USP12: variants seen among roughly 807,000 people sequenced by gnomAD.
The protein encoded by USP12 is ubiquitin carboxyl-terminal hydrolase 12.
In USP12, 19 loss-of-function variants were observed where a neutral mutation model predicts 45.5. That is an observed-to-expected ratio of 0.42 (90% CI 0.29 to 0.61). The LOEUF is 0.61. Among genes scored for constraint, USP12 ranks in the 20% least tolerant of loss-of-function variants. The pLI is 0.22. For missense variants in USP12, 242 were observed against 447.7 expected (o/e 0.54, Z 4.15); for synonymous variants, 149 against 148.8 (o/e 1.00, Z -0.01).
chr13:27,137,102 G>C (rs1268985700), intron 1 of USP12, among the ~76,000 whole-genome samples: 1 of 152,184 alleles, frequency 6.6e-6, no homozygotes, highest in African/African-American at 2.4e-5. Context: ...CATTTGTTCA[G>C]AAAGAGACAC....
chr13:27,099,724 T>C (rs1874776501), intron 3 of USP12, among the ~76,000 whole-genome samples: 1 of 152,174 alleles, frequency 6.6e-6, no homozygotes, highest in Non-Finnish European at 1.5e-5. Context: ...TATTTTCATA[T>C]ATCCAAATCC....
intron 1 of USP12, among the ~76,000 whole-genome samples, chr13:27,159,413 C>A (rs1005187444): frequency 1.3e-5 from 2 of 152,164 alleles, no homozygotes; most frequent in Non-Finnish European, 2.9e-5. Flanking sequence ...TTTCAAACAC[C>A]ATTCCATTTG....
At chr13:27,077,919 TG>T (rs1873568020) in intron 6 of USP12, 1 of 151,302 alleles carries the variant, frequency 6.6e-6, no homozygotes, top group Admixed American at 6.6e-5. Flanking sequence ...AAAAAAAAAG[TG>T]GTCTTAGAAC....
intron 3 of USP12, among the ~76,000 whole-genome samples, chr13:27,102,868 T>A (rs910069527): frequency 6.6e-6 from 1 of 152,176 alleles, no homozygotes; most frequent in Non-Finnish European, 1.5e-5. Context: ...AGGAAATATA[T>A]CTATCATGAT....
intron 1 of USP12, among the ~76,000 whole-genome samples, chr13:27,133,626 C>CAA (rs11365356): frequency 2.0e-3 from 207 of 103,374 alleles, no homozygotes; most frequent in Non-Finnish European, 3.2e-3. Context: ...GACTCTGTCT[C>CAA]AAAAAAAAAA....
At chr13:27,136,508 A>AATAT in intron 1 of USP12, among the ~76,000 whole-genome samples, 1 of 152,160 alleles carries the variant, frequency 6.6e-6, no homozygotes, top group Non-Finnish European at 1.5e-5. Flanking sequence ...CAAATAAACA[A>AATAT]ATACATACAT....
At chr13:27,114,311 A>G (rs1018222610) in intron 2 of USP12, among the ~76,000 whole-genome samples, 5 of 152,248 alleles carry the variant, frequency 3.3e-5, no homozygotes, top group African/African-American at 1.2e-4. Context: ...CTCTACTAAA[A>G]TAAGTACTAA....
intron 3 of USP12, among the ~76,000 whole-genome samples, chr13:27,096,376 T>G (rs1487192143): frequency 6.6e-6 from 1 of 152,234 alleles, no homozygotes; most frequent in Non-Finnish European, 1.5e-5. Context: ...TTATCAAGAA[T>G]TATCTATATA....
chr13:27,084,523 C>A (rs1204051502), intron 6 of USP12, among the ~76,000 whole-genome samples: 1 of 147,386 alleles, frequency 6.8e-6, no homozygotes, highest in Admixed American at 6.8e-5. Flanking sequence ...AAAAAGAGTT[C>A]TATAGTTTTA....
chr13:27,073,180 T>G, intron 7 of USP12, among the ~76,000 whole-genome samples: 1 of 148,574 alleles, frequency 6.7e-6, no homozygotes, highest in Non-Finnish European at 1.5e-5. Flanking sequence ...CATGAGGCAA[T>G]GAGAGTGAGA....
At chr13:27,112,704 G>A (rs1377222619) in intron 2 of USP12, among the ~76,000 whole-genome samples, 1 of 152,148 alleles carries the variant, frequency 6.6e-6, no homozygotes, top group Non-Finnish European at 1.5e-5. Context: ...GAGAGATGAT[G>A]CCATCAACCC....
Position 27,097,984 on chromosome 13 carries a change from CTTT to C in USP12, c.344-2157_344-2155del, listed in dbSNP as rs71083630. On this transcript the variant is annotated intron_variant, in intron 3 of 8. Transcript: ENST00000282344. ...AGCCTGGAGGTAACTTTATATAGTA[CTTT>C]TTTTTTTTTTTTTTTGAGATGGAGT... 1.0e-3 allele frequency among the ~76,000 whole-genome samples: 117 copies of C among 116,594 alleles called. 1 individual carries two copies. The highest frequency in any genetic ancestry group is 4.4e-3 in the Middle Eastern group (1 of 226). 76.5% of individuals were successfully genotyped at this position (116,594 alleles called of 152,430 possible).
chr13:27,124,581 A>G (rs1420974309), intron 1 of USP12, among the ~76,000 whole-genome samples: 1 of 152,216 alleles, frequency 6.6e-6, no homozygotes, highest in Admixed American at 6.5e-5. Flanking sequence ...TTTAAGTTAG[A>G]TCAGGTCAGT....
At chr13:27,128,947 T>C (rs1876365997) in intron 1 of USP12, among the ~76,000 whole-genome samples, 1 of 152,152 alleles carries the variant, frequency 6.6e-6, no homozygotes, top group Non-Finnish European at 1.5e-5. Flanking sequence ...GAAACCAAAA[T>C]CAACAAATTA....
chr13:27,127,395 G>C (rs1876292776), intron 1 of USP12, among the ~76,000 whole-genome samples: 1 of 152,170 alleles, frequency 6.6e-6, no homozygotes, highest in South Asian at 2.1e-4. Flanking sequence ...AACACTAATG[G>C]AGAAGTCAGA....
At chr13:27,113,595 G>T (rs1479248124) in intron 2 of USP12, among the ~76,000 whole-genome samples, 1 of 152,140 alleles carries the variant, frequency 6.6e-6, no homozygotes, top group Non-Finnish European at 1.5e-5. Flanking sequence ...CTCACCCTAT[G>T]TTCTTACTCC....
chr13:27,082,710 G>A (rs1382167829), intron 6 of USP12, among the ~76,000 whole-genome samples: 1 of 152,190 alleles, frequency 6.6e-6, no homozygotes, highest in Non-Finnish European at 1.5e-5. Context: ...AGAAGCCATT[G>A]TAAGGTTATT....
At chr13:27,112,499 C>T (rs953529) in intron 2 of USP12, among the ~76,000 whole-genome samples, 3,547 of 151,828 alleles carry the variant, frequency 0.023, 120 homozygotes, top group African/African-American at 0.073. Flanking sequence ...GTTGCCCAGG[C>T]TGGTCTCAGA....
chr13:27,107,428 T>C (rs1875193659), intron 2 of USP12, among the ~76,000 whole-genome samples: 1 of 152,174 alleles, frequency 6.6e-6, no homozygotes, highest in African/African-American at 2.4e-5. Context: ...TTAATACCCT[T>C]AGGAACCAAA....
Sources: gnomAD v4.1 joint callset for allele counts (sites outside exome capture counted in the v4.1 genomes callset) on GRCh38, gnomAD v4.1.1 for gene constraint, MANE v1.5 for transcripts, NCBI Gene and HGNC (gene_info 2026-07-23, HGNC 2026-07-21) for gene names.